The following GPR19 variants were observed in gnomAD, a reference collection of about 807,000 sequenced individuals.
GPR19 encodes G protein-coupled receptor 19.
GPR19 carries 14 observed loss-of-function variants against 28.5 expected under a neutral mutation model. The observed-to-expected ratio is 0.49, with a 90% confidence interval of 0.32 to 0.77. The LOEUF (loss-of-function observed/expected upper bound fraction) is 0.77, where lower values mean the gene tolerates loss of function less well. Among genes scored for constraint, GPR19 ranks in the 30% least tolerant of loss-of-function variants. The pLI, the probability that GPR19 is intolerant of heterozygous loss-of-function variation, is 0.03. For missense variants in GPR19, 409 were observed against 504.1 expected (o/e 0.81, Z 1.81); for synonymous variants, 173 against 184.1 (o/e 0.94, Z 0.49).
At position 12,661,005 on chromosome 12, in the gene GPR19, A is replaced by G; in HGVS notation, c.*196T>C. On this transcript the variant is annotated 3_prime_UTR_variant, in exon 4 of 4. Coordinates refer to ENST00000651487, the MANE Select transcript of GPR19 (RefSeq NM_006143.3). The surrounding 1 kb of genome is among the most constrained non-coding windows in gnomAD (Gnocchi z 4.2). Reference sequence around the variant, plus strand: ...GTAAAAGGACTGTTGGCTAAAGTTCAAAGTGAACGCTTTTCCTAAAACATA... The same window carrying G: ...GTAAAAGGACTGTTGGCTAAAGTTCGAAGTGAACGCTTTTCCTAAAACATA... The G allele has an allele frequency of 1.9e-6, 1 of 517,902 alleles. No homozygotes were observed. The highest frequency in any genetic ancestry group is 3.3e-5 in the South Asian group (1 of 30,192). The allele number at this position is 517,902 out of a possible 1,614,324, so 32.1% of individuals were successfully genotyped here.
the GPR19 span, among the ~76,000 whole-genome samples, chr12:12,706,803 AC>A: frequency 3.2e-3 from 485 of 152,230 alleles, no homozygotes; most frequent in South Asian, 6.4e-3. Context: ...TTTCATGTAC[AC>A]TGCTACCACC....
chr12:12,681,867 C>T (rs1946028223), intron 3 of GPR19, among the ~76,000 whole-genome samples: 1 of 152,204 alleles, frequency 6.6e-6, no homozygotes, highest in African/African-American at 2.4e-5. Flanking sequence ...CAAAATGCCC[C>T]AGGAAAATCT....
At chr12:12,674,162 A>G (rs1191189438) in intron 3 of GPR19, among the ~76,000 whole-genome samples, 1 of 135,812 alleles carries the variant, frequency 7.4e-6, no homozygotes, top group Non-Finnish European at 1.5e-5. Flanking sequence ...CAGTGAGCCG[A>G]GATTGTACCA....
At chr12:12,703,984 CAA>C in the GPR19 span, among the ~76,000 whole-genome samples, 1 of 152,122 alleles carries the variant, frequency 6.6e-6, no homozygotes, top group African/African-American at 2.4e-5. Context: ...TATCTGAAGT[CAA>C]AGTGAGTAAG....
chr12:12,666,837 A>G (rs927715012), intron 3 of GPR19, among the ~76,000 whole-genome samples: 4 of 152,214 alleles, frequency 2.6e-5, no homozygotes, highest in South Asian at 2.1e-4. Flanking sequence ...ATTGGGGATT[A>G]TGGTGATAGG....
intron 2 of GPR19, among the ~76,000 whole-genome samples, chr12:12,692,380 T>A (rs1271011797): frequency 1.6e-5 from 1 of 60,876 alleles, no homozygotes; most frequent in Non-Finnish European, 3.9e-5. Context: ...CGCTGCTGGC[T>A]TCTCTTGTCT....
At chr12:12,675,080 G>A (rs1188213268) in intron 3 of GPR19, among the ~76,000 whole-genome samples, 1 of 152,136 alleles carries the variant, frequency 6.6e-6, no homozygotes, top group Non-Finnish European at 1.5e-5. Flanking sequence ...CCAACATGCC[G>A]CCTTGGGTCC....
chr12:12,685,042 TTCACTC>T (rs562679598), intron 2 of GPR19: 158 of 152,308 alleles, frequency 1.0e-3, no homozygotes, highest in African/African-American at 3.1e-3. Context: ...ATTTGTCTAT[TTCACTC>T]TCAAGTAAAT....
chr12:12,664,115 G>C (rs541024644), intron 3 of GPR19, among the ~76,000 whole-genome samples: 7 of 152,140 alleles, frequency 4.6e-5, no homozygotes, highest in Admixed American at 1.3e-4. Context: ...TCAGCCTCTC[G>C]AGTAGTTGGG....
the GPR19 span, among the ~76,000 whole-genome samples, chr12:12,708,284 C>G: frequency 6.6e-6 from 1 of 152,116 alleles, no homozygotes; most frequent in African/African-American, 2.4e-5. Flanking sequence ...CCTGGCAATG[C>G]TGGTAAACTT....
chr12:12,697,153 T>TTAAAAA (rs1182547131), upstream of GPR19, among the ~76,000 whole-genome samples: 1 of 48,846 alleles, frequency 2.0e-5, no homozygotes, highest in Non-Finnish European at 3.6e-5. Context: ...TGAAGCGAAG[T>TTAAAAA]AAAAAAAAAA....
At chr12:12,700,447 A>G (rs1013576383), upstream of GPR19, among the ~76,000 whole-genome samples, 1 of 152,190 alleles carries the variant, frequency 6.6e-6, no homozygotes, top group African/African-American at 2.4e-5. Context: ...CTTACTGCCC[A>G]GAACTATGTC....
At chr12:12,690,910 G>C (rs531471734) in intron 2 of GPR19, among the ~76,000 whole-genome samples, 8 of 152,208 alleles carry the variant, frequency 5.3e-5, no homozygotes, top group Non-Finnish European at 1.0e-4. Flanking sequence ...TGAGCAAGTT[G>C]GAAGTTTAAT....
At chr12:12,674,143 C>T (rs980551324) in intron 3 of GPR19, among the ~76,000 whole-genome samples, 2 of 133,096 alleles carry the variant, frequency 1.5e-5, no homozygotes, top group East Asian at 2.4e-4. Flanking sequence ...ACCTGGGAGG[C>T]GGAGGTTGCA....
chr12:12,678,901 A>G (rs774278743), intron 3 of GPR19, among the ~76,000 whole-genome samples: 80 of 152,244 alleles, frequency 5.3e-4, no homozygotes, highest in African/African-American at 1.8e-3. Context: ...GGTTGGAGAG[A>G]TTCTTGTGCG....
At chr12:12,669,830 T>C (rs1274263613) in intron 3 of GPR19, among the ~76,000 whole-genome samples, 1 of 152,128 alleles carries the variant, frequency 6.6e-6, no homozygotes, top group Non-Finnish European at 1.5e-5. Context: ...CCACACAAGC[T>C]CTTCTGAAGC....
At chr12:12,685,665 T>A (rs2136332680) in intron 2 of GPR19, among the ~76,000 whole-genome samples, 1 of 152,310 alleles carries the variant, frequency 6.6e-6, no homozygotes, top group Non-Finnish European at 1.5e-5. Flanking sequence ...GTCCTAAATC[T>A]TGAAAGGAAT....
At chr12:12,677,771 T>C (rs1247570536) in intron 3 of GPR19, among the ~76,000 whole-genome samples, 1 of 151,952 alleles carries the variant, frequency 6.6e-6, no homozygotes, top group Non-Finnish European at 1.5e-5. Flanking sequence ...TCAGTAATCG[T>C]TGACTCAAAT....
chr12:12,661,520 A>C lies in GPR19; in HGVS notation c.929T>G (p.Leu310Arg). 6.2e-7 allele frequency: 1 copy of C among 1,613,688 alleles called. No individual in the cohort carries two copies. The highest frequency in any genetic ancestry group is 8.5e-7 in the Non-Finnish European group (1 of 1,179,578). ...TATCCATGTGATAGCTGTGAAAACA[A>C]GGGAACTTTTCTTATAGTCTTGTTC... is the stretch of plus-strand genomic sequence containing the variant. The part of the protein sequence containing the change: ...PHEQDYKKSS[L>R]VFTAITWISF... Residue 310 changes from leucine to arginine, a missense_variant, in exon 4 of 4, where the codon CTT becomes CGT. Transcript: ENST00000651487. This position sits in a 1 kb window ranked among gnomAD's most constrained non-coding sequence, Gnocchi z 4.2.
Sources: allele counts gnomAD v4.1 joint callset (sites outside exome capture counted in the v4.1 genomes callset), GRCh38; gene constraint gnomAD v4.1.1; non-coding constraint Gnocchi (gnomAD v3.1); transcripts MANE v1.5; gene names NCBI Gene and HGNC (gene_info 2026-07-23, HGNC 2026-07-21).